Variants in SGCD observed in about 807,000 individuals in gnomAD.
The protein encoded by SGCD is sarcoglycan delta, also known as delta-sarcoglycan.
SGCD carries 18 observed loss-of-function variants against 36.6 expected under a neutral mutation model. The observed-to-expected ratio is 0.49, with a 90% CI of 0.34 to 0.73. The LOEUF (loss-of-function observed/expected upper bound fraction) is 0.73. SGCD is among the 30% of genes least tolerant of loss of function. SGCD has a pLI of 0.01. For synonymous variants in SGCD, 133 were observed against 130.6 expected, an observed-to-expected ratio of 1.02 and a Z score of -0.12; for missense variants, 387 against 346.7, an observed-to-expected ratio of 1.12 and a Z score of -0.92.
intron 3 of SGCD, among the ~76,000 whole-genome samples, chr5:156,466,961 C>A (rs1471374392): frequency 6.6e-6 from 1 of 152,064 alleles, no homozygotes; most frequent in Non-Finnish European, 1.5e-5. Flanking sequence ...ATGCCGATCA[C>A]TCAACACAGT....
chr5:155,874,169 A>G (rs1379564013), intron 1 of SGCD, among the ~76,000 whole-genome samples: 1 of 152,102 alleles, frequency 6.6e-6, no homozygotes, highest in Admixed American at 6.6e-5. Flanking sequence ...CATCCTATTA[A>G]AAAAATGAAG....
At chr5:156,318,442 G>C (rs772358245) in intron 3 of SGCD, among the ~76,000 whole-genome samples, 1 of 152,104 alleles carries the variant, frequency 6.6e-6, no homozygotes, top group Non-Finnish European at 1.5e-5. Context: ...ACCCTGTTTT[G>C]TATCTATCAT....
At chr5:156,523,180 TAGAACTAAAATCC>T (rs371228522) in intron 4 of SGCD, among the ~76,000 whole-genome samples, 183 of 152,282 alleles carry the variant, frequency 1.2e-3, no homozygotes, top group Middle Eastern at 6.8e-3. Flanking sequence ...CAGCTAAATT[TAGAACTAAAATCC>T]AGAATGGCAG....
At chr5:156,656,946 C>T (rs573277172) in intron 7 of SGCD, among the ~76,000 whole-genome samples, 2 of 152,136 alleles carry the variant, frequency 1.3e-5, no homozygotes, top group African/African-American at 2.4e-5. Flanking sequence ...AATCTGAACT[C>T]CTTTGGGAAT....
the SGCD span, among the ~76,000 whole-genome samples, chr5:155,789,865 G>A: frequency 6.6e-6 from 1 of 152,004 alleles, no homozygotes; most frequent in Non-Finnish European, 1.5e-5. Context: ...GACAAAACCA[G>A]GCCTGGAAGC....
At chr5:155,861,270 G>A in the SGCD span, among the ~76,000 whole-genome samples, 1 of 151,988 alleles carries the variant, frequency 6.6e-6, no homozygotes, top group Non-Finnish European at 1.5e-5. Flanking sequence ...TTCATTTTGG[G>A]GCCAAAGACC....
In SGCD at chr5:155,936,804, C is replaced by A. The variant is rs146078027; in HGVS notation, c.-282+66380C>A. Among the ~76,000 whole-genome samples, 163 of 152,328 alleles carry A rather than the reference C, an allele frequency of 1.1e-3. 1 individual carries two copies. In the Middle Eastern group the frequency reaches 0.02, roughly 19 times the overall value. On this transcript the variant is annotated intron_variant, in intron 1 of 9. Transcript: ENST00000517913. ...TCCGTACAGCCCAGGCTGTTCATGCCCAGGGGCACCTGCAGGCCAGCTCTG... is the reference window on the plus strand; with the variant it reads ...TCCGTACAGCCCAGGCTGTTCATGCACAGGGGCACCTGCAGGCCAGCTCTG...
chr5:155,975,633 TTTTTTTTTTTTTTG>T (rs1758099035), intron 1 of SGCD, among the ~76,000 whole-genome samples: 1 of 102,578 alleles, frequency 9.7e-6, no homozygotes, highest in Admixed American at 1.0e-4. Context: ...TTTTTTTTTT[TTTTTTTTTTTTTTG>T]AGACGGAGTT....
intron 1 of SGCD, among the ~76,000 whole-genome samples, chr5:156,008,089 G>T (rs1419493680): frequency 6.6e-6 from 1 of 152,086 alleles, no homozygotes; most frequent in Non-Finnish European, 1.5e-5. Context: ...TACCCGTTGT[G>T]CTAGTGTCCT....
chr5:155,952,351 A>T (rs1337332001), intron 1 of SGCD, among the ~76,000 whole-genome samples: 1 of 149,670 alleles, frequency 6.7e-6, no homozygotes, highest in Non-Finnish European at 1.5e-5. Context: ...CTCCTGAGGA[A>T]TTTTTTTTTT....
chr5:156,673,905 G>A (rs1753405852), intron 7 of SGCD, among the ~76,000 whole-genome samples: 1 of 152,196 alleles, frequency 6.6e-6, no homozygotes, highest in Non-Finnish European at 1.5e-5. Context: ...AATATTGACT[G>A]TGTACTGATT....
intron 1 of SGCD, among the ~76,000 whole-genome samples, chr5:156,088,048 C>A (rs141816077): frequency 4.6e-5 from 7 of 152,172 alleles, no homozygotes; most frequent in African/African-American, 1.7e-4. Flanking sequence ...TCGCTTGCAG[C>A]CATCCCCCTT....
chr5:156,457,324 A>G (rs2127813058), intron 3 of SGCD, among the ~76,000 whole-genome samples: 1 of 152,332 alleles, frequency 6.6e-6, no homozygotes, highest in South Asian at 2.1e-4. Context: ...TAAAAGGGCA[A>G]CTTGACATTC....
chr5:156,196,020 T>G (rs12054896), intron 3 of SGCD, among the ~76,000 whole-genome samples: 46,926 of 151,944 alleles, frequency 0.31, 7,719 homozygotes, highest in East Asian at 0.6. Flanking sequence ...ACCAGCATCA[T>G]CCAAGGAGGG....
chr5:155,947,439 T>C (rs934821874), intron 1 of SGCD, among the ~76,000 whole-genome samples: 1 of 151,952 alleles, frequency 6.6e-6, no homozygotes, highest in Non-Finnish European at 1.5e-5. Context: ...ACTTTTTTGG[T>C]GAAGAATGAG....
intron 1 of SGCD, among the ~76,000 whole-genome samples, chr5:156,059,674 T>C (rs1760154731): frequency 6.8e-6 from 1 of 146,600 alleles, no homozygotes; most frequent in Admixed American, 6.8e-5. Context: ...GTAATTTGCC[T>C]TCTCTAAGTC....
At chr5:156,280,557 A>G (rs57752082) in intron 3 of SGCD, among the ~76,000 whole-genome samples, 6,959 of 152,290 alleles carry the variant, frequency 0.046, 475 homozygotes, top group African/African-American at 0.15. Flanking sequence ...ATTTTAGGAA[A>G]TATTTCTTCT....
At chr5:155,836,536 G>T in the SGCD span, among the ~76,000 whole-genome samples, 2 of 130,688 alleles carry the variant, frequency 1.5e-5, no homozygotes, top group African/African-American at 5.7e-5. Context: ...AGAGTGAAAA[G>T]CTCCTTCAGA....
At chr5:156,422,590 T>C (rs1008673688) in intron 3 of SGCD, among the ~76,000 whole-genome samples, 5 of 152,040 alleles carry the variant, frequency 3.3e-5, no homozygotes, top group Non-Finnish European at 7.4e-5. Flanking sequence ...TTCTAGAATC[T>C]CCACATTCAT....
Sources: gnomAD v4.1 joint callset for allele counts (sites outside exome capture counted in the v4.1 genomes callset) on GRCh38, gnomAD v4.1.1 for gene constraint, MANE v1.5 for transcripts, NCBI Gene and HGNC (gene_info 2026-07-23, HGNC 2026-07-21) for gene names.